Variants in PCDHA9 observed in about 807,000 individuals in gnomAD.
The protein encoded by PCDHA9 is protocadherin alpha-9.
In PCDHA9, 62 loss-of-function variants were observed where a neutral mutation model predicts 62.0. That is an observed-to-expected ratio of 1.00 (90% confidence interval 0.81 to 1.23). The LOEUF (loss-of-function observed/expected upper bound fraction) is 1.23, where lower values mean the gene tolerates loss of function less well. Among genes scored for constraint, PCDHA9 ranks in the 50% most tolerant of loss-of-function variants. The pLI, the probability that PCDHA9 is intolerant of heterozygous loss-of-function variation, is 0.00. For missense variants in PCDHA9, 1,205 were observed against 1,249.8 expected (o/e 0.96, Z 0.54); for synonymous variants, 557 against 567.6 (o/e 0.98, Z 0.27).
intron 1 of PCDHA9, among the ~76,000 whole-genome samples, chr5:140,940,729 C>G (rs545285188): frequency 8.9e-4 from 136 of 152,326 alleles, no homozygotes; most frequent in African/African-American, 3.2e-3. Context: ...TTCAGCTGGA[C>G]AGCTCCATAT....
chr5:140,856,776 G>C (rs782634261), intron 1 of PCDHA9: 3 of 1,596,678 alleles, frequency 1.9e-6, no homozygotes, highest in Non-Finnish European at 1.7e-6. Flanking sequence ...ATCTTTGACA[G>C]ACCGGTTTAT....
intron 3 of PCDHA9, among the ~76,000 whole-genome samples, chr5:140,995,652 C>T (rs1018975214): frequency 2.0e-5 from 3 of 151,828 alleles, no homozygotes; most frequent in East Asian, 1.9e-4. Context: ...AAAGGAGAAT[C>T]GAAAAGGGAA....
chr5:140,889,968 T>A (rs1373057542), intron 1 of PCDHA9, among the ~76,000 whole-genome samples: 2 of 152,170 alleles, frequency 1.3e-5, no homozygotes, highest in Non-Finnish European at 2.9e-5. Context: ...AAAATTACTA[T>A]CCAGTCTCCA....
chr5:140,960,575 A>G (rs990834964), intron 1 of PCDHA9, among the ~76,000 whole-genome samples: 4 of 152,186 alleles, frequency 2.6e-5, no homozygotes, highest in Non-Finnish European at 2.9e-5. Flanking sequence ...AAACAGTTGG[A>G]AAACAGTTCA....
intron 1 of PCDHA9, chr5:140,883,262 G>A (rs1211665444): frequency 6.2e-7 from 1 of 1,613,838 alleles, no homozygotes; most frequent in Non-Finnish European, 8.5e-7. Context: ...TCCAATGGCG[G>A]GTCATTGTAC....
intron 1 of PCDHA9, chr5:140,852,643 C>A: frequency 2.1e-6 from 2 of 958,796 alleles, no homozygotes; most frequent in Non-Finnish European, 2.5e-6. Context: ...TGTCATTAAA[C>A]CTATCTATAT....
chr5:140,891,311 T>C (rs563637309), intron 1 of PCDHA9, among the ~76,000 whole-genome samples: 1 of 152,216 alleles, frequency 6.6e-6, no homozygotes, highest in African/African-American at 2.4e-5. Context: ...ATTACATGAG[T>C]AAGTTCTTTG....
At chr5:141,000,757 C>A (rs1236279352) in intron 3 of PCDHA9, among the ~76,000 whole-genome samples, 1 of 151,158 alleles carries the variant, frequency 6.6e-6, no homozygotes, top group Non-Finnish European at 1.5e-5. Flanking sequence ...AAAAAAAAAT[C>A]TTAGCCAGGC....
At chr5:140,925,479 A>G (rs2082513030) in intron 1 of PCDHA9, among the ~76,000 whole-genome samples, 1 of 152,116 alleles carries the variant, frequency 6.6e-6, no homozygotes. Context: ...TGTTTCTCAT[A>G]GAACTGATCA....
intron 1 of PCDHA9, chr5:140,966,696 G>A (rs2096039255): frequency 7.4e-7 from 1 of 1,358,662 alleles, no homozygotes. Flanking sequence ...GGCGGGGCCC[G>A]GGCGTGGGGC....
intron 1 of PCDHA9, among the ~76,000 whole-genome samples, chr5:140,914,725 T>C (rs1317424827): frequency 6.6e-6 from 1 of 152,164 alleles, no homozygotes; most frequent in African/African-American, 2.4e-5. Flanking sequence ...TTATTTTTTG[T>C]GTATCCATTG....
chr5:140,901,270 C>T (rs2068553355), intron 1 of PCDHA9, among the ~76,000 whole-genome samples: 2 of 152,246 alleles, frequency 1.3e-5, no homozygotes, highest in South Asian at 4.1e-4. Flanking sequence ...TGGGGTATTA[C>T]TCAAGAAATT....
rs1554144146 is a variant in PCDHA9, at chr5:140,850,293, G to A, written c.1798G>A (p.Asp600Asn). 7.5e-6 allele frequency: 12 copies of A among 1,596,282 alleles called. 1 individual carries two copies. Among genetic ancestry groups the A allele is most frequent in the Non-Finnish European group, 1.0e-5 (12 of 1,167,618 alleles). ...GGGGAAGGTGCGCGCAGTGGACGCC[G>A]ACTCGGGCTACAACGCGTGGCTTTC... ...VVGKVRAVDA[D>N]SGYNAWLSYE... Residue 600 changes from aspartate (D) to asparagine (N), a missense_variant, in exon 1 of 4, where the codon GAC becomes AAC. Transcript: ENST00000532602.
chr5:140,863,330 T>A, intron 1 of PCDHA9: 1 of 1,412,828 alleles, frequency 7.1e-7, no homozygotes, highest in Admixed American at 1.8e-5. Flanking sequence ...CTGTTAGTGC[T>A]CACGTTGCTG....
At chr5:140,877,317 G>A (rs535177109) in intron 1 of PCDHA9, 1 of 1,613,886 alleles carries the variant, frequency 6.2e-7, no homozygotes. Context: ...AACCGGCGGC[G>A]GTCGGCGCGC....
intron 1 of PCDHA9, chr5:140,883,049 G>A: frequency 6.2e-7 from 1 of 1,614,182 alleles, no homozygotes; most frequent in South Asian, 1.1e-5. Context: ...TGGAACATTA[G>A]TGATCAAGCT....
intron 1 of PCDHA9, chr5:140,870,192 G>C: frequency 1.9e-6 from 3 of 1,614,158 alleles, no homozygotes; most frequent in Non-Finnish European, 2.5e-6. Context: ...AGGACGCTCA[G>C]CCCAGCACGG....
Position 140,997,281 on chromosome 5 carries a change from T to C in PCDHA9, c.2543-12346T>C, listed in dbSNP as rs143161972. Reference sequence around the variant, plus strand: ...CTCTTCCAAATATTTCTTGCATCACTTAACAATGGGGATACACTGAGAAAT... The same window carrying C: ...CTCTTCCAAATATTTCTTGCATCACCTAACAATGGGGATACACTGAGAAAT... On this transcript the variant is annotated intron_variant, in intron 3 of 3. Transcript: ENST00000532602. 1.4e-3 allele frequency among the ~76,000 whole-genome samples: 209 copies of C among 152,340 alleles called. 2 individuals carry two copies. Among genetic ancestry groups the C allele is most frequent in the African/African-American group, 4.7e-3 (195 of 41,574 alleles).
rs545226629 is a variant in PCDHA9, at chr5:140,856,253, A to G, written c.2394+5364A>G. ...GCGCCTGTTCCGGGTGGCGTCCAAA[A>G]GACACGGGGACCTTCTGGAGGTAAA... On this transcript the variant is annotated intron_variant, in intron 1 of 3. Transcript: ENST00000532602. 2.5e-6 allele frequency: 4 copies of G among 1,597,916 alleles called. No individual in the cohort carries two copies. The African/African-American group carries it at 4.0e-5, about 16-fold the overall frequency.
Sources: gnomAD v4.1 joint callset for allele counts (sites outside exome capture counted in the v4.1 genomes callset) on GRCh38, gnomAD v4.1.1 for gene constraint, MANE v1.5 for transcripts, NCBI Gene and HGNC (gene_info 2026-07-23, HGNC 2026-07-21) for gene names.